STXBP5: variants seen among roughly 807,000 people sequenced by gnomAD.
STXBP5 encodes syntaxin binding protein 5.
STXBP5 carries 50 observed loss-of-function variants against 152.4 expected under a neutral mutation model. That is an observed-to-expected ratio of 0.33 (90% CI 0.26 to 0.42). The LOEUF is 0.42. STXBP5 is among the 10% of genes least tolerant of loss of function. STXBP5 has a pLI of 1.00. For missense variants in STXBP5, 1,167 were observed against 1,388.6 expected (o/e 0.84, Z 2.54); for synonymous variants, 492 against 494.7 (o/e 0.99, Z 0.07).
At chr6:147,211,855 G>A (rs576245595) in intron 2 of STXBP5, among the ~76,000 whole-genome samples, 6 of 152,214 alleles carry the variant, frequency 3.9e-5, no homozygotes, top group Admixed American at 6.5e-5. Flanking sequence ...GAGCCACCAC[G>A]CCAGATTTTA....
intron 2 of STXBP5, among the ~76,000 whole-genome samples, chr6:147,216,062 G>A (rs1230653676): frequency 2.0e-5 from 3 of 151,942 alleles, no homozygotes; most frequent in South Asian, 2.1e-4. Flanking sequence ...AAAAATAACC[G>A]GGAAAAAACT....
intron 2 of STXBP5, among the ~76,000 whole-genome samples, chr6:147,210,090 A>G (rs1776771138): frequency 6.6e-6 from 1 of 152,186 alleles, no homozygotes; most frequent in Admixed American, 6.5e-5. Flanking sequence ...AGTGAACTTC[A>G]CAGAAAATTA....
intron 21 of STXBP5, among the ~76,000 whole-genome samples, chr6:147,348,271 T>C (rs1235193377): frequency 6.6e-6 from 1 of 152,074 alleles, no homozygotes; most frequent in African/African-American, 2.4e-5. Flanking sequence ...AGCATTTAGA[T>C]AGATGCCTCT....
chr6:147,358,961 T>A (rs1784935107), intron 22 of STXBP5, 123 bp from the exon 23 acceptor site: 9 of 1,137,830 alleles, frequency 7.9e-6, no homozygotes, highest in Non-Finnish European at 1.1e-5. Context: ...GAAGTGAATA[T>A]TAAATATGAC....
intron 11 of STXBP5, among the ~76,000 whole-genome samples, chr6:147,311,926 C>T (rs978881188): frequency 2.6e-5 from 4 of 152,164 alleles, no homozygotes; most frequent in Admixed American, 1.3e-4. Context: ...GTTTTACACA[C>T]AGTTCCAATC....
chr6:147,282,494 T>C lies in STXBP5; in HGVS notation c.838+4290T>C, dbSNP rs796917343. On this transcript the variant is annotated intron_variant, in intron 8 of 27. Coordinates refer to ENST00000321680, the MANE Select transcript of STXBP5 (RefSeq NM_001127715.4). The stretch of plus-strand genomic sequence containing the variant: ...CTTTATTACTTGTAAAATGGCAAGA[T>C]TGAACAGGATTTTTAAGCTACAAAG... 5.9e-5 allele frequency among the ~76,000 whole-genome samples: 9 copies of C among 152,290 alleles called. 1 individual carries two copies. Among genetic ancestry groups the C allele is most frequent in the African/African-American group, 2.2e-4 (9 of 41,556 alleles).
chr6:147,333,061 A>G (rs1033106652), intron 18 of STXBP5, among the ~76,000 whole-genome samples: 2 of 152,176 alleles, frequency 1.3e-5, no homozygotes, highest in Non-Finnish European at 2.9e-5. Flanking sequence ...TGTTATCACT[A>G]CTGTTTAGAG....
chr6:147,376,531 G>A (rs774465855), intron 26 of STXBP5, among the ~76,000 whole-genome samples: 9 of 152,102 alleles, frequency 5.9e-5, no homozygotes, highest in Admixed American at 1.3e-4. Flanking sequence ...AATTTGAAAA[G>A]AAAAGGCCAG....
At chr6:147,377,976 T>C (rs1268613100) in intron 26 of STXBP5, among the ~76,000 whole-genome samples, 1 of 152,168 alleles carries the variant, frequency 6.6e-6, no homozygotes, top group Non-Finnish European at 1.5e-5. Context: ...AATCTATAAC[T>C]TTATTTTTGA....
chr6:147,332,090 C>T (rs926234061), intron 18 of STXBP5, among the ~76,000 whole-genome samples: 2 of 152,142 alleles, frequency 1.3e-5, no homozygotes, highest in Non-Finnish European at 1.5e-5. Flanking sequence ...TGAACAGAGC[C>T]TAGGTAGCTG....
At chr6:147,313,807 A>T in intron 11 of STXBP5, 77 bp from the exon 12 acceptor site, 1 of 986,128 alleles carries the variant, frequency 1.0e-6, no homozygotes, top group Non-Finnish European at 1.4e-6. Flanking sequence ...TATGTTTTTT[A>T]AAGTTTTTAT....
chr6:147,306,140 C>G (rs1277465379), intron 9 of STXBP5, among the ~76,000 whole-genome samples: 1 of 152,154 alleles, frequency 6.6e-6, no homozygotes, highest in East Asian at 1.9e-4. Flanking sequence ...AATCCTGGGC[C>G]CCATGCTCCA....
intron 9 of STXBP5, among the ~76,000 whole-genome samples, chr6:147,305,120 A>C (rs1782022132): frequency 6.6e-6 from 1 of 152,214 alleles, no homozygotes; most frequent in Non-Finnish European, 1.5e-5. Flanking sequence ...CCTGTGTGCT[A>C]AATGATCTAA....
chr6:147,292,216 A>G (rs773023080), intron 9 of STXBP5: 2 of 451,010 alleles, frequency 4.4e-6, no homozygotes, highest in South Asian at 3.1e-5. Flanking sequence ...ATATATATAT[A>G]AAAATGTCGT....
intron 9 of STXBP5, among the ~76,000 whole-genome samples, chr6:147,307,311 T>C (rs535643657): frequency 6.6e-6 from 1 of 152,318 alleles, no homozygotes; most frequent in South Asian, 2.1e-4. Context: ...AAAATTCTAC[T>C]TAAAGTAATC....
chr6:147,282,671 T>C (rs1780757766), intron 8 of STXBP5, among the ~76,000 whole-genome samples: 1 of 152,150 alleles, frequency 6.6e-6, no homozygotes, highest in African/African-American at 2.4e-5. Context: ...CCATGGCAGA[T>C]AGGGTTTCAT....
intron 21 of STXBP5, among the ~76,000 whole-genome samples, chr6:147,351,082 TTTGTC>T (rs1465304031): frequency 6.6e-6 from 1 of 152,180 alleles, no homozygotes. Flanking sequence ...GATTAATAGT[TTTGTC>T]TTGGTTACTA....
At chr6:147,328,628 G>A (rs1783395051) in intron 18 of STXBP5, 1 of 421,042 alleles carries the variant, frequency 2.4e-6, no homozygotes, top group South Asian at 1.8e-5. Context: ...AGCAGAGATT[G>A]TTGTCCCAAC....
rs1334840206 is a variant in STXBP5, at chr6:147,314,320, A to G, written c.1350A>G (p.Ile450Met). 1.2e-6 allele frequency: 2 copies of G among 1,611,796 alleles called. No individual in the cohort carries two copies. The highest frequency in any genetic ancestry group is 1.7e-6 in the Non-Finnish European group (2 of 1,178,140). Residue 450 changes from isoleucine (I) to methionine (M), a missense_variant, in exon 13 of 28, where the codon ATA becomes ATG. By Grantham distance (10) the Ile-to-Met change is conservative. Transcript: ENST00000321680. ...TGGGTGCTCAAAGTTACCCAGAAAT[A>G]ATTATTACAGGGTAAGTAAAAGTCT... Reference protein sequence around the residue: ...WGLGAQSYPEIIITGHADGSV... With the variant: ...WGLGAQSYPEMIITGHADGSV...
Sources: gnomAD v4.1 joint callset for allele counts (sites outside exome capture counted in the v4.1 genomes callset) on GRCh38, gnomAD v4.1.1 for gene constraint, MANE v1.5 for transcripts, NCBI Gene and HGNC (gene_info 2026-07-23, HGNC 2026-07-21) for gene names.